The following GLRA1 variants were observed in gnomAD, a reference collection of about 807,000 sequenced individuals.
GLRA1 encodes glycine receptor alpha 1, also known as glycine receptor subunit alpha-1.
In GLRA1, 37 loss-of-function variants were observed where a neutral mutation model predicts 48.3. That is an observed-to-expected ratio of 0.77 (90% CI 0.59 to 1.01). GLRA1 has a LOEUF of 1.01. GLRA1 is among the 50% of genes least tolerant of loss of function. The pLI, the probability that GLRA1 is intolerant of heterozygous loss-of-function variation, is 0.00. For synonymous variants in GLRA1, 196 were observed against 210.7 expected (o/e 0.93, Z 0.60); for missense variants, 427 against 571.0 (o/e 0.75, Z 2.57).
intron 3 of GLRA1, among the ~76,000 whole-genome samples, chr5:151,876,565 T>C (rs1753633757): frequency 6.6e-6 from 1 of 152,152 alleles, no homozygotes; most frequent in South Asian, 2.1e-4. Flanking sequence ...CATCCTACTG[T>C]GGTATTATCT....
At chr5:151,851,911 CCATCAT>C (rs201218235) in intron 6 of GLRA1, among the ~76,000 whole-genome samples, 2 of 151,780 alleles carry the variant, frequency 1.3e-5, no homozygotes, top group South Asian at 2.1e-4. Flanking sequence ...ATCACTGTTA[CCATCAT>C]CATCATCATC....
At chr5:151,860,661 G>T (rs1473845630) in intron 3 of GLRA1, among the ~76,000 whole-genome samples, 1 of 152,150 alleles carries the variant, frequency 6.6e-6, no homozygotes, top group Admixed American at 6.5e-5. Context: ...AACTTACTGT[G>T]ACATATGTTG....
intron 1 of GLRA1, among the ~76,000 whole-genome samples, chr5:151,909,817 G>A (rs1029846531): frequency 6.6e-6 from 1 of 152,082 alleles, no homozygotes; most frequent in African/African-American, 2.4e-5. Context: ...GTTGACTTTG[G>A]ACAAGTCCCT....
intron 4 of GLRA1, 110 bp downstream of exon 4, chr5:151,859,675 G>A (rs1289020283): frequency 3.8e-6 from 3 of 782,230 alleles, no homozygotes; most frequent in African/African-American, 3.4e-5. Context: ...GTGTTGGGTT[G>A]CCAGGGCCTG....
rs995380097 is a variant in GLRA1 at position 151,912,282 on chromosome 5, T to G, written c.56+12212A>C. Among the ~76,000 whole-genome samples the G allele has an allele frequency of 2.8e-5, 4 of 142,932 alleles. No individual in the cohort carries two copies. The East Asian group carries it at 8.0e-4, about 28-fold the overall frequency. The allele number at this position is 142,932 out of a possible 152,430, so 93.8% of individuals were successfully genotyped here. On this transcript the variant is annotated intron_variant, in intron 1 of 8. Transcript: ENST00000274576. ...AGACTGTTTTTTTTTTTTTTTTTTC[T>G]ACTAGATGTTTTAGGTCACATTGAG...
chr5:151,875,050 T>A (rs1753588873), intron 3 of GLRA1, among the ~76,000 whole-genome samples: 1 of 152,144 alleles, frequency 6.6e-6, no homozygotes, highest in Admixed American at 6.5e-5. Flanking sequence ...GGATTTAAGT[T>A]TTATTTTTGT....
chr5:151,879,329 C>CTTTTT (rs35141091), intron 3 of GLRA1, among the ~76,000 whole-genome samples: 1 of 148,090 alleles, frequency 6.8e-6, no homozygotes, highest in African/African-American at 2.5e-5. Context: ...AACTAACTTC[C>CTTTTT]TTTTTTTTTT....
At chr5:151,906,614 A>T (rs537316056) in intron 1 of GLRA1, among the ~76,000 whole-genome samples, 152 of 152,340 alleles carry the variant, frequency 1.0e-3, no homozygotes, top group Non-Finnish European at 2.1e-3. Context: ...AGAGGGACCC[A>T]ACTTAATAAA....
Position 151,838,273 on chromosome 5 carries a change from G to C in GLRA1, c.913-9206C>G, listed in dbSNP as rs140457134. Among the ~76,000 whole-genome samples the C allele has an allele frequency of 5.2e-3, 796 of 152,218 alleles. 9 individuals are homozygous for C. Among genetic ancestry groups the C allele is most frequent in the African/African-American group, 0.018 (749 of 41,526 alleles). ...ACCTCAGGTCAGGAGTTTGAGACCA[G>C]CCTGGCCAACATGGTGAAACCTCGT... On this transcript the variant is annotated intron_variant, in intron 7 of 8. Coordinates refer to ENST00000274576, the MANE Select transcript of GLRA1 (RefSeq NM_000171.4).
In GLRA1 at chr5:151,874,748, G is replaced by A. The variant is rs114843824; in HGVS notation, c.252+11973C>T. On this transcript the variant is annotated intron_variant, in intron 3 of 8. Coordinates refer to ENST00000274576, the MANE Select transcript of GLRA1 (RefSeq NM_000171.4). ...GTGGAGAAGGACTCCCTGAAGCAAT[G>A]TCTGAGCTGAGACCTGAAGGGTGAG... Among the ~76,000 whole-genome samples, 743 of 152,314 alleles carry A rather than the reference G, an allele frequency of 4.9e-3. 1 individual carries two copies. The highest frequency in any genetic ancestry group is 7.7e-3 in the Non-Finnish European group (527 of 68,020).
chr5:151,869,714 C>CA (rs1427336522), intron 3 of GLRA1, among the ~76,000 whole-genome samples: 1 of 149,196 alleles, frequency 6.7e-6, no homozygotes. Context: ...GACTCCACCT[C>CA]AAAAAACAAA....
chr5:151,919,841 G>C (rs1289461649), intron 1 of GLRA1, among the ~76,000 whole-genome samples: 1 of 152,224 alleles, frequency 6.6e-6, no homozygotes, highest in Non-Finnish European at 1.5e-5. Flanking sequence ...ATAGTTTCAA[G>C]ATGGCCAGGC....
rs958056377 is a variant in GLRA1, at chr5:151,869,715, AAAAAACAAAAAC to A, written c.253-9719_253-9708del. On this transcript the variant is annotated intron_variant, in intron 3 of 8. Transcript: ENST00000274576. ...GGGCGACAGAGCGAGACTCCACCTCAAAAAACAAAAACAAAAACAAAAACAAAACAACAACAA... is the reference window on the plus strand; with the variant it reads ...GGGCGACAGAGCGAGACTCCACCTCAAAAAACAAAAACAAAACAACAACAA... Among the ~76,000 whole-genome samples, 35 of 149,774 alleles carry A rather than the reference AAAAAACAAAAAC, an allele frequency of 2.3e-4. 2 individuals carry two copies. The highest frequency in any genetic ancestry group is 8.7e-4 in the African/African-American group (34 of 39,176).
chr5:151,859,812 C>T lies in GLRA1; in HGVS notation c.449G>A (p.Arg150Gln), dbSNP rs561848502. The T allele has an allele frequency of 4.0e-5, 65 of 1,613,678 alleles. No homozygotes were observed. In the East Asian group the frequency reaches 4.9e-4, roughly 12 times the overall value. ...TTDNKLLRISRNGNVLYSIRI... is the reference protein window; with the variant it reads ...TTDNKLLRISQNGNVLYSIRI... ...GATGCTGTAGAGGACATTCCCATTC[C>T]GGGAGATCCTTAGCAATTTGTTGTC... Residue 150 changes from arginine (R) to glutamine (Q), a missense_variant, in exon 4 of 9, where the codon CGG becomes CAG. By Grantham distance (43) the Arg-to-Gln change is conservative. Transcript: ENST00000274576.
At chr5:151,897,200 A>G (rs909187836) in intron 1 of GLRA1, among the ~76,000 whole-genome samples, 1 of 152,144 alleles carries the variant, frequency 6.6e-6, no homozygotes, top group Non-Finnish European at 1.5e-5. Flanking sequence ...ATTTCTGTCT[A>G]TATTTAGACA....
At chr5:151,852,348 C>A (rs907453325) in intron 6 of GLRA1, among the ~76,000 whole-genome samples, 1 of 152,152 alleles carries the variant, frequency 6.6e-6, no homozygotes, top group African/African-American at 2.4e-5. Context: ...GAAGATTCTC[C>A]CAGACAGAAT....
chr5:151,855,179 T>C lies in GLRA1; in HGVS notation c.560-2A>G. 1 of 1,613,944 alleles carries C rather than the reference T, an allele frequency of 6.2e-7. No homozygotes were observed. Among genetic ancestry groups the C allele is most frequent in the Non-Finnish European group, 8.5e-7 (1 of 1,179,848 alleles). ...TGAGGTCATTCATCGTATATCCAAC[T>C]GGGATGGGATCAGAAGAAGGAGCAG... On this transcript the variant is annotated splice_acceptor_variant, in intron 5 of 8. Coordinates refer to ENST00000274576, the MANE Select transcript of GLRA1 (RefSeq NM_000171.4). LOFTEE classifies it high-confidence loss of function.
intron 7 of GLRA1, among the ~76,000 whole-genome samples, chr5:151,843,075 C>G: frequency 6.6e-6 from 1 of 151,988 alleles, no homozygotes; most frequent in East Asian, 1.9e-4. Context: ...AACTAGAAAT[C>G]TTTTTTGAAA....
intron 1 of GLRA1, among the ~76,000 whole-genome samples, chr5:151,911,327 C>T (rs1372330788): frequency 6.6e-6 from 1 of 152,120 alleles, no homozygotes; most frequent in African/African-American, 2.4e-5. Context: ...TTGTATGCTC[C>T]CACAACACTT....
Sources: allele counts gnomAD v4.1 joint callset (sites outside exome capture counted in the v4.1 genomes callset), GRCh38; gene constraint gnomAD v4.1.1; transcripts MANE v1.5; gene names NCBI Gene and HGNC (gene_info 2026-07-23, HGNC 2026-07-21).